The following MYO16 variants were observed in gnomAD, a reference collection of about 807,000 sequenced individuals.
MYO16 encodes unconventional myosin-XVI.
MYO16 carries 94 observed loss-of-function variants against 205.3 expected under a neutral mutation model. That is an observed-to-expected ratio of 0.46 (90% confidence interval 0.39 to 0.54). The LOEUF (loss-of-function observed/expected upper bound fraction) is 0.54, where lower values mean the gene tolerates loss of function less well. Ranked by LOEUF, MYO16 falls within the 20% of genes least tolerant of loss-of-function variation. The pLI, the probability that MYO16 is intolerant of heterozygous loss-of-function variation, is 0.00. For missense variants in MYO16, 2,315 were observed against 2,387.5 expected (o/e 0.97, Z 0.63); for synonymous variants, 988 against 954.0 (o/e 1.04, Z -0.66).
rs763537295 is a variant in MYO16, at chr13:108,665,869, C to T, written c.29-17C>T. The T allele has an allele frequency of 6.2e-7, 1 of 1,609,946 alleles. No homozygotes were observed. Among genetic ancestry groups the T allele is most frequent in the Non-Finnish European group, 8.5e-7 (1 of 1,177,690 alleles). ...ATAATAATAGGTCTGGTGACGCTCC[C>T]CTTGCATTTCTTCCAGGTTGCTTTC... On this transcript the variant is annotated splice_polypyrimidine_tract_variant and intron_variant, in intron 1 of 34. Transcript: ENST00000457511.
intron 31 of MYO16, among the ~76,000 whole-genome samples, chr13:109,133,113 C>T (rs157029): frequency 0.98 from 149,653 of 152,344 alleles, 73,556 homozygotes; most frequent in Middle Eastern, 1. Flanking sequence ...AAAGTTGCGA[C>T]ATATGACAGC....
chr13:109,127,158 A>G lies in MYO16; in HGVS notation c.3783-124A>G. On this transcript the variant is annotated intron_variant, in intron 30 of 34. Coordinates refer to ENST00000457511, the MANE Select transcript of MYO16 (RefSeq NM_001198950.3). The surrounding 1 kb of genome is among the most constrained non-coding windows in gnomAD (Gnocchi z 4.2). ...AGAGGGCTGCACACGTCCTCCAGCC[A>G]CAGCAGGAAGGGCTGCTTGCCAAAA... 1 of 1,269,326 alleles carries G rather than the reference A, an allele frequency of 7.9e-7. No homozygotes were observed. Among genetic ancestry groups the G allele is most frequent in the Non-Finnish European group, 1.1e-6 (1 of 948,382 alleles). 78.6% of individuals were successfully genotyped at this position (1,269,326 alleles called of 1,614,324 possible).
At chr13:108,918,990 C>CTT (rs1736704016) in intron 16 of MYO16, among the ~76,000 whole-genome samples, 1 of 102 alleles carries the variant, frequency 9.8e-3, no homozygotes, top group Non-Finnish European at 0.031. Flanking sequence ...CAAACTTATA[C>CTT]TCTGTTTTGA....
intron 33 of MYO16, among the ~76,000 whole-genome samples, chr13:109,170,285 A>C (rs750510057): frequency 1.3e-5 from 2 of 152,188 alleles, no homozygotes; most frequent in Non-Finnish European, 2.9e-5. Flanking sequence ...ATTTTAATGG[A>C]GTCCAACCTC....
chr13:108,890,081 G>A (rs1880091072), intron 14 of MYO16, among the ~76,000 whole-genome samples: 1 of 146,998 alleles, frequency 6.8e-6, no homozygotes, highest in Non-Finnish European at 1.5e-5. Flanking sequence ...ACAGGCATGT[G>A]TCTCTGCCTA....
intron 5 of MYO16, among the ~76,000 whole-genome samples, chr13:108,789,504 C>T: frequency 6.6e-6 from 1 of 152,132 alleles, no homozygotes; most frequent in South Asian, 2.1e-4. Context: ...GCTGTCCCTG[C>T]ACCAGCCTCT....
At position 108,785,758 on chromosome 13, in the gene MYO16, T is replaced by C; in HGVS notation, c.616+15T>C. On this transcript the variant is annotated intron_variant, in intron 5 of 34. Transcript: ENST00000457511. ...GGATGAAAATGGTAGGCAAAAACTT[T>C]TAAAACCATAGAAAAAAATAGATTG... The C allele has an allele frequency of 6.7e-7, 1 of 1,489,856 alleles. No individual in the cohort carries two copies. Among genetic ancestry groups the C allele is most frequent in the Admixed American group, 1.9e-5 (1 of 53,366 alleles). The allele number at this position is 1,489,856 out of a possible 1,614,324, so 92.3% of individuals were successfully genotyped here. A position where few individuals can be genotyped will look rare whatever the true frequency, so the allele number is the denominator to read the frequency against.
chr13:108,711,242 C>T (rs74723662), intron 2 of MYO16, among the ~76,000 whole-genome samples: 229 of 152,362 alleles, frequency 1.5e-3, no homozygotes, highest in Middle Eastern at 3.4e-3. Context: ...ATGAATACGA[C>T]ACGAGCTGTC....
In MYO16 at chr13:109,127,242, T is replaced by TAG; in HGVS notation, c.3783-40_3783-39insAG. The stretch of plus-strand genomic sequence containing the variant: ...GTTACCGGAATAATGCATCTGGGCC[T>TAG]CTCTGGCGTGGTGCTGTTTGTGTTT... On this transcript the variant is annotated intron_variant, in intron 30 of 34. Transcript: ENST00000457511. The surrounding 1 kb of genome is among the most constrained non-coding windows in gnomAD (Gnocchi z 4.2). 1 of 1,532,310 alleles carries TAG rather than the reference T, an allele frequency of 6.5e-7. No individual in the cohort carries two copies. Among genetic ancestry groups the TAG allele is most frequent in the Non-Finnish European group, 8.8e-7 (1 of 1,136,094 alleles). The allele number at this position is 1,532,310 out of a possible 1,614,324, so 94.9% of individuals were successfully genotyped here.
At chr13:108,641,870 TGG>T (rs1880518473) in intron 1 of MYO16, among the ~76,000 whole-genome samples, 1 of 152,204 alleles carries the variant, frequency 6.6e-6, no homozygotes, top group South Asian at 2.1e-4. Flanking sequence ...CAGTAAATCA[TGG>T]CCTGGCATAC....
At chr13:108,500,612 A>C in the MYO16 span, among the ~76,000 whole-genome samples, 1 of 151,968 alleles carries the variant, frequency 6.6e-6, no homozygotes, top group Non-Finnish European at 1.5e-5. Flanking sequence ...ATTAGTTATC[A>C]AGTCTTTACA....
intron 1 of MYO16, among the ~76,000 whole-genome samples, chr13:108,611,641 A>T (rs1879174542): frequency 6.6e-6 from 1 of 152,194 alleles, no homozygotes; most frequent in Non-Finnish European, 1.5e-5. Context: ...CACATCTGTC[A>T]TATCATGGGC....
chr13:108,663,972 G>C (rs540195827), intron 1 of MYO16, among the ~76,000 whole-genome samples: 40 of 152,320 alleles, frequency 2.6e-4, no homozygotes, highest in African/African-American at 9.6e-4. Flanking sequence ...GCAGAAGACA[G>C]TTATGGTTCT....
At chr13:108,583,714 G>A in the MYO16 span, among the ~76,000 whole-genome samples, 1 of 152,108 alleles carries the variant, frequency 6.6e-6, no homozygotes, top group African/African-American at 2.4e-5. Flanking sequence ...ATTACTCAGT[G>A]ATTTTTCTAA....
intron 20 of MYO16, among the ~76,000 whole-genome samples, chr13:108,984,716 T>C (rs1335818393): frequency 1.3e-5 from 2 of 152,184 alleles, no homozygotes; most frequent in Non-Finnish European, 2.9e-5. Context: ...ACCTTGGTCA[T>C]ATCCTCTGAC....
chr13:109,203,358 G>A (rs557484693), intron 34 of MYO16, among the ~76,000 whole-genome samples: 1 of 151,476 alleles, frequency 6.6e-6, no homozygotes, highest in South Asian at 2.1e-4. Flanking sequence ...CAAGAAAAAA[G>A]CCAAACAATC....
rs765982343 is a variant in MYO16, at chr13:109,019,893, C to A, written c.2778C>A (p.Ile926=). ...ALKDHGTAFT[I]MHYAGRVMYD... ...AAGACCACGGTACAGCCTTCACCAT[C>A]ATGCACTACGCAGGAAGGGTAAGTG... The change falls in exon 23 of 35, where the codon ATC becomes ATA. Residue 926 remains isoleucine, a synonymous_variant. Coordinates refer to ENST00000457511, the MANE Select transcript of MYO16 (RefSeq NM_001198950.3). The A allele has an allele frequency of 6.2e-7, 1 of 1,614,146 alleles. No homozygotes were observed. Among genetic ancestry groups the A allele is most frequent in the South Asian group, 1.1e-5 (1 of 91,084 alleles).
At chr13:108,644,573 T>C (rs1164867591) in intron 1 of MYO16, among the ~76,000 whole-genome samples, 2 of 152,186 alleles carry the variant, frequency 1.3e-5, no homozygotes, top group Non-Finnish European at 2.9e-5. Flanking sequence ...CAAACTGCTT[T>C]GTAAAGAAGA....
the MYO16 span, among the ~76,000 whole-genome samples, chr13:108,581,564 C>G: frequency 6.6e-6 from 1 of 151,874 alleles, no homozygotes; most frequent in Non-Finnish European, 1.5e-5. Context: ...TACTCTCTCT[C>G]ATTGGATAGC....
Sources: gnomAD v4.1 joint callset for allele counts (sites outside exome capture counted in the v4.1 genomes callset) on GRCh38, gnomAD v4.1.1 for gene constraint, Gnocchi (gnomAD v3.1) non-coding constraint, MANE v1.5 for transcripts, NCBI Gene and HGNC (gene_info 2026-07-23, HGNC 2026-07-21) for gene names.